LDB2: variants seen among roughly 807,000 people sequenced by gnomAD.
LDB2 encodes LIM domain-binding protein 2.
A neutral mutation model predicts 44.3 loss-of-function variants in LDB2; 12 were observed. The observed-to-expected ratio is 0.27, with a 90% CI of 0.17 to 0.44. The LOEUF is 0.44. LDB2 is among the 20% of genes least tolerant of loss of function. The pLI is 1.00. For synonymous variants in LDB2, 164 were observed against 174.8 expected (o/e 0.94, Z 0.49); for missense variants, 344 against 473.5 (o/e 0.73, Z 2.54).
intron 2 of LDB2, among the ~76,000 whole-genome samples, chr4:16,615,793 C>T (rs1282680049): frequency 2.0e-5 from 3 of 152,174 alleles, no homozygotes; most frequent in African/African-American, 4.8e-5. Context: ...TCCTGGGATT[C>T]GTCCTCCCAA....
At chr4:16,522,557 G>A (rs761063567) in intron 5 of LDB2, among the ~76,000 whole-genome samples, 12 of 152,214 alleles carry the variant, frequency 7.9e-5, no homozygotes, top group African/African-American at 9.6e-5. Flanking sequence ...GCAAATACAC[G>A]ATTTTATATG....
chr4:16,768,277 T>C (rs1769815000), intron 1 of LDB2, among the ~76,000 whole-genome samples: 1 of 152,158 alleles, frequency 6.6e-6, no homozygotes, highest in Non-Finnish European at 1.5e-5. Flanking sequence ...TGGGAGGGCA[T>C]TGACTTTCTT....
chr4:16,674,219 CA>C (rs753046098), intron 2 of LDB2: 1 of 1,287,218 alleles, frequency 7.8e-7, no homozygotes, highest in South Asian at 1.2e-5. Flanking sequence ...AACAGAAAAG[CA>C]ATTACATGAT....
At chr4:16,862,409 G>A (rs1412610706) in intron 1 of LDB2, among the ~76,000 whole-genome samples, 1 of 151,876 alleles carries the variant, frequency 6.6e-6, no homozygotes, top group African/African-American at 2.4e-5. Flanking sequence ...CAAGGCAGGT[G>A]GATCACCTGT....
At chr4:16,517,805 T>A (rs1724360884) in intron 5 of LDB2, among the ~76,000 whole-genome samples, 1 of 152,218 alleles carries the variant, frequency 6.6e-6, no homozygotes, top group East Asian at 1.9e-4. Flanking sequence ...GACCTCTTTT[T>A]TCTGGAGATT....
chr4:16,653,097 A>G (rs1200408765), intron 2 of LDB2, among the ~76,000 whole-genome samples: 2 of 152,164 alleles, frequency 1.3e-5, no homozygotes. Flanking sequence ...AACTGTTGTG[A>G]GTGGCTGTGA....
chr4:16,819,454 A>G (rs1218568369), intron 1 of LDB2, among the ~76,000 whole-genome samples: 1 of 100,204 alleles, frequency 1.0e-5, no homozygotes, highest in Admixed American at 1.2e-4. Context: ...ACTTTCCTGC[A>G]CTCAGGAAAA....
chr4:16,878,276 T>C (rs1025134687), intron 1 of LDB2, among the ~76,000 whole-genome samples: 6 of 152,118 alleles, frequency 3.9e-5, no homozygotes, highest in African/African-American at 1.4e-4. Context: ...GTACAGTTAT[T>C]TGGGGCTGGG....
chr4:16,826,432 G>C (rs1783079317), intron 1 of LDB2: 1 of 152,124 alleles, frequency 6.6e-6, no homozygotes. Context: ...TACCTTACCT[G>C]GGGCTCATCT....
intron 7 of LDB2, among the ~76,000 whole-genome samples, chr4:16,505,382 T>C (rs1043587260): frequency 6.6e-6 from 1 of 152,104 alleles, no homozygotes; most frequent in African/African-American, 2.4e-5. Flanking sequence ...TGTGTATGTG[T>C]TTGTGTGCGT....
intron 2 of LDB2, among the ~76,000 whole-genome samples, chr4:16,630,408 G>A (rs1731589134): frequency 6.6e-6 from 1 of 152,132 alleles, no homozygotes; most frequent in African/African-American, 2.4e-5. Flanking sequence ...GTCACCAGCA[G>A]GCCTACCTTA....
At chr4:16,660,532 A>G (rs1741283286) in intron 2 of LDB2, among the ~76,000 whole-genome samples, 1 of 152,170 alleles carries the variant, frequency 6.6e-6, no homozygotes, top group Non-Finnish European at 1.5e-5. Flanking sequence ...TGGAAGTAGC[A>G]TGGTTTCCTT....
At chr4:16,528,932 A>T (rs188859051) in intron 5 of LDB2, among the ~76,000 whole-genome samples, 16 of 152,338 alleles carry the variant, frequency 1.1e-4, no homozygotes, top group African/African-American at 3.6e-4. Flanking sequence ...GTCTACACCA[A>T]GATCCCAAGA....
chr4:16,790,096 A>C (rs1413399864), intron 1 of LDB2, among the ~76,000 whole-genome samples: 1 of 152,216 alleles, frequency 6.6e-6, no homozygotes, highest in Admixed American at 6.5e-5. Flanking sequence ...AAAGGTCTAC[A>C]ATGAATAACA....
intron 2 of LDB2, among the ~76,000 whole-genome samples, chr4:16,618,939 G>A (rs562990612): frequency 6.6e-6 from 1 of 152,234 alleles, no homozygotes; most frequent in African/African-American, 2.4e-5. Context: ...AGAGTGTGTA[G>A]CACCTCCCCC....
At chr4:16,673,443 G>A (rs573435104) in intron 2 of LDB2, among the ~76,000 whole-genome samples, 24 of 152,252 alleles carry the variant, frequency 1.6e-4, no homozygotes, top group East Asian at 3.9e-4. Flanking sequence ...ATTTTGTGTC[G>A]CTTTTGAAAC....
chr4:16,755,169 G>C (rs1041907149), intron 2 of LDB2, among the ~76,000 whole-genome samples: 30 of 152,328 alleles, frequency 2.0e-4, no homozygotes, highest in African/African-American at 6.0e-4. Context: ...CAGAAGAATA[G>C]TGTGGGGAAC....
At chr4:16,774,603 AATT>A (rs1171088293) in intron 1 of LDB2, among the ~76,000 whole-genome samples, 1 of 152,172 alleles carries the variant, frequency 6.6e-6, no homozygotes, top group African/African-American at 2.4e-5. Flanking sequence ...CAGAGAGGTG[AATT>A]ATTATCCTTA....
At chr4:16,509,928 C>A (rs1012503472) in intron 6 of LDB2, among the ~76,000 whole-genome samples, 2 of 152,118 alleles carry the variant, frequency 1.3e-5, no homozygotes, top group Non-Finnish European at 2.9e-5. Context: ...CCAACTTGGG[C>A]AACATGGTGA....
Sources: gnomAD v4.1 joint callset for allele counts (sites outside exome capture counted in the v4.1 genomes callset) on GRCh38, gnomAD v4.1.1 for gene constraint, MANE v1.5 for transcripts, NCBI Gene and HGNC (gene_info 2026-07-23, HGNC 2026-07-21) for gene names.